The following CFAP54 variants were observed in gnomAD, a reference collection of about 807,000 sequenced individuals.
CFAP54 encodes the protein cilia and flagella associated protein 54.
Under a neutral mutation model 370.4 loss-of-function variants are expected in CFAP54, and 290 were observed. The observed-to-expected ratio is 0.78, with a 90% confidence interval of 0.71 to 0.86. CFAP54 has a LOEUF of 0.86. Among genes scored for constraint, CFAP54 ranks in the 40% least tolerant of loss-of-function variants. The pLI is 0.00. For missense variants in CFAP54, 3,399 were observed against 3,528.7 expected, an observed-to-expected ratio of 0.96 and a Z score of 0.93; for synonymous variants, 1,206 against 1,236.5, an observed-to-expected ratio of 0.98 and a Z score of 0.52.
chr12:96,705,766 A>T (rs1290438973), intron 47 of CFAP54, among the ~76,000 whole-genome samples: 1 of 152,128 alleles, frequency 6.6e-6, no homozygotes, highest in Non-Finnish European at 1.5e-5. Context: ...GTTTTTTTGC[A>T]TAAAGGGAAA....
At chr12:96,545,677 A>G (rs936387996) in intron 14 of CFAP54, among the ~76,000 whole-genome samples, 3 of 152,160 alleles carry the variant, frequency 2.0e-5, no homozygotes, top group African/African-American at 7.2e-5. Context: ...TTTCAACATG[A>G]GTTTGGAGGA....
chr12:96,569,353 T>C (rs911829270), intron 19 of CFAP54, among the ~76,000 whole-genome samples: 1 of 152,214 alleles, frequency 6.6e-6, no homozygotes, highest in African/African-American at 2.4e-5. Flanking sequence ...CTTCCAGTCT[T>C]GAGTAGAGGG....
rs558267614 is a variant in CFAP54, at chr12:96,763,725, G to A, written c.8041-426G>A. Among the ~76,000 whole-genome samples the A allele has an allele frequency of 3.6e-3, 541 of 152,272 alleles. 2 individuals are homozygous for A. Among genetic ancestry groups the A allele is most frequent in the African/African-American group, 0.012 (518 of 41,552 alleles). ...ACCTGGGAGGCAGAGGTTGCAGTGA[G>A]CTGAGATTGTGTCATTGCACTCCAG... On this transcript the variant is annotated intron_variant, in intron 58 of 67. Transcript: ENST00000524981.
intron 26 of CFAP54, among the ~76,000 whole-genome samples, chr12:96,616,434 C>T (rs1956418788): frequency 6.6e-6 from 1 of 152,122 alleles, no homozygotes; most frequent in Non-Finnish European, 1.5e-5. Context: ...ATGGGCGCAG[C>T]ACACCAACAT....
Position 96,621,740 on chromosome 12 carries a change from C to A in CFAP54, c.3771+19C>A. ...AGAGGAGGTAATTGTTTTTGTTTCTCATTTTTAAACCTACGTTTAGTTTGC... is the reference window on the plus strand; with the variant it reads ...AGAGGAGGTAATTGTTTTTGTTTCTAATTTTTAAACCTACGTTTAGTTTGC... On this transcript the variant is annotated intron_variant, in intron 27 of 67. Coordinates refer to ENST00000524981, the MANE Select transcript of CFAP54 (RefSeq NM_001306084.2). 4 of 1,511,360 alleles carry A rather than the reference C, an allele frequency of 2.6e-6. No homozygotes were observed. The highest frequency in any genetic ancestry group is 1.7e-4 in the Middle Eastern group (1 of 5,884). 93.6% of individuals were successfully genotyped at this position (1,511,360 alleles called of 1,614,324 possible).
chr12:96,684,873 A>T, intron 41 of CFAP54, 138 bp downstream of exon 41: 4 of 945,708 alleles, frequency 4.2e-6, no homozygotes, highest in Non-Finnish European at 6.4e-6. Context: ...TATTCATCAA[A>T]TGCTACCTGA....
At chr12:96,857,443 TC>T (rs138777687) in intron 66 of CFAP54, among the ~76,000 whole-genome samples, 23,121 of 152,256 alleles carry the variant, frequency 0.15, 2,417 homozygotes, top group Middle Eastern at 0.24. Context: ...TCTAGCTTCA[TC>T]CATGTTCCAC....
chr12:96,603,575 G>A (rs1274892602), intron 26 of CFAP54, among the ~76,000 whole-genome samples: 1 of 152,088 alleles, frequency 6.6e-6, no homozygotes, highest in African/African-American at 2.4e-5. Context: ...CCATTCTCCC[G>A]TCACTATCAG....
intron 63 of CFAP54, among the ~76,000 whole-genome samples, chr12:96,806,179 T>TAC (rs1958876510): frequency 1.6e-5 from 1 of 63,324 alleles, no homozygotes; most frequent in Non-Finnish European, 3.3e-5. Context: ...TATATATATA[T>TAC]ATATATATAT....
At position 96,527,562 on chromosome 12, in the gene CFAP54, T is replaced by G. The variant is rs200388438; in HGVS notation, c.1357+118T>G. 3.0e-5 allele frequency: 17 copies of G among 567,790 alleles called. No individual in the cohort carries two copies. In the East Asian group the frequency reaches 5.4e-4, roughly 18 times the overall value. 35.2% of individuals were successfully genotyped at this position (567,790 alleles called of 1,614,324 possible). The stretch of plus-strand genomic sequence containing the variant: ...AACATTTATATTGTTTTTTTTTTTT[T>G]GTTTGGTTGTTTGTTTGTTTTTGAG... On this transcript the variant is annotated intron_variant, in intron 9 of 67. Coordinates refer to ENST00000524981, the MANE Select transcript of CFAP54 (RefSeq NM_001306084.2).
intron 5 of CFAP54, among the ~76,000 whole-genome samples, chr12:96,518,136 A>T (rs1205518981): frequency 6.6e-6 from 1 of 152,230 alleles, no homozygotes. Flanking sequence ...GTAAAGAGGT[A>T]AAATGATCCA....
At chr12:96,778,299 G>A (rs1266289834) in intron 60 of CFAP54, among the ~76,000 whole-genome samples, 3 of 152,138 alleles carry the variant, frequency 2.0e-5, no homozygotes, top group Admixed American at 6.5e-5. Context: ...AGGTTTTTGT[G>A]TACATTTCTC....
chr12:96,794,362 C>T (rs1455292257), intron 63 of CFAP54, among the ~76,000 whole-genome samples: 2 of 152,016 alleles, frequency 1.3e-5, no homozygotes, highest in Non-Finnish European at 2.9e-5. Context: ...TCTTCTTTCT[C>T]AGCAGTATTA....
chr12:96,587,725 C>T (rs987236741), intron 22 of CFAP54, among the ~76,000 whole-genome samples: 4 of 152,190 alleles, frequency 2.6e-5, no homozygotes, highest in African/African-American at 9.6e-5. Context: ...TTTCACCAAC[C>T]CTCTTACACA....
At chr12:96,815,120 G>A (rs906765728) in intron 64 of CFAP54, among the ~76,000 whole-genome samples, 1 of 152,154 alleles carries the variant, frequency 6.6e-6, no homozygotes, top group African/African-American at 2.4e-5. Flanking sequence ...CATCCTTGAG[G>A]AATTGCCACA....
At chr12:96,535,643 G>A (rs1393995355) in intron 12 of CFAP54, 43 bp downstream of exon 12, 5 of 1,335,704 alleles carry the variant, frequency 3.7e-6, no homozygotes, top group Non-Finnish European at 5.1e-6. Context: ...TGTGGAAGGA[G>A]GTTTTTGTGC....
At chr12:96,730,541 A>T (rs1178767935) in intron 50 of CFAP54, among the ~76,000 whole-genome samples, 1 of 152,256 alleles carries the variant, frequency 6.6e-6, no homozygotes, top group Non-Finnish European at 1.5e-5. Flanking sequence ...CAAAATAGAA[A>T]TTCTATAAAT....
chr12:96,574,824 C>T (rs1045600752), intron 19 of CFAP54, among the ~76,000 whole-genome samples: 3 of 151,842 alleles, frequency 2.0e-5, no homozygotes, highest in Admixed American at 2.0e-4. Flanking sequence ...AATGACTGGT[C>T]TGTGTTTTTA....
intron 32 of CFAP54, among the ~76,000 whole-genome samples, chr12:96,633,598 T>C (rs1956631982): frequency 1.3e-5 from 2 of 152,242 alleles, no homozygotes; most frequent in African/African-American, 4.8e-5. Flanking sequence ...ACCCAAGTTG[T>C]GTGTATCCAC....
Sources: allele counts gnomAD v4.1 joint callset (sites outside exome capture counted in the v4.1 genomes callset), GRCh38; gene constraint gnomAD v4.1.1; transcripts MANE v1.5; gene names NCBI Gene and HGNC (gene_info 2026-07-23, HGNC 2026-07-21).